The following OSBPL1A variants were observed in gnomAD, a reference collection of about 807,000 sequenced individuals.
OSBPL1A encodes oxysterol-binding protein-related protein 1.
A neutral mutation model predicts 137.1 loss-of-function variants in OSBPL1A; 80 were observed. The observed-to-expected ratio is 0.58, with a 90% CI of 0.49 to 0.70. OSBPL1A has a LOEUF of 0.70. OSBPL1A is among the 30% of genes least tolerant of loss of function. OSBPL1A has a pLI of 0.00. For synonymous variants in OSBPL1A, 365 were observed against 389.7 expected, an observed-to-expected ratio of 0.94 and a Z score of 0.75; for missense variants, 970 against 1,129.4, an observed-to-expected ratio of 0.86 and a Z score of 2.02.
At chr18:24,170,232 T>C (rs2086241962) in intron 24 of OSBPL1A, 95 bp downstream of exon 24, 3 of 1,405,422 alleles carry the variant, frequency 2.1e-6, no homozygotes, top group Non-Finnish European at 2.9e-6. Flanking sequence ...AAGAAGAAAG[T>C]TAAACTGTGA....
intron 18 of OSBPL1A, among the ~76,000 whole-genome samples, chr18:24,189,481 TCAG>T (rs2145934824): frequency 6.6e-6 from 1 of 152,234 alleles, no homozygotes; most frequent in South Asian, 2.1e-4. Flanking sequence ...CTGGCGGCAG[TCAG>T]CTGTCCCCTG....
intron 2 of OSBPL1A, among the ~76,000 whole-genome samples, chr18:24,376,490 C>A (rs1906149191): frequency 1.3e-5 from 2 of 152,266 alleles, no homozygotes; most frequent in African/African-American, 4.8e-5. Context: ...CACCTCCCCA[C>A]CAGACTCAGG....
At chr18:24,318,855 C>T in intron 7 of OSBPL1A, 46 bp from the exon 8 acceptor site, 1 of 1,469,228 alleles carries the variant, frequency 6.8e-7, no homozygotes, top group Non-Finnish European at 9.5e-7. Flanking sequence ...CTTAAATGTA[C>T]TATGACAATC....
chr18:24,230,914 T>C (rs1299516347), intron 16 of OSBPL1A, among the ~76,000 whole-genome samples: 1 of 152,154 alleles, frequency 6.6e-6, no homozygotes, highest in Non-Finnish European at 1.5e-5. Context: ...TCCCATCTAG[T>C]TCCAAAAGGA....
intron 15 of OSBPL1A, among the ~76,000 whole-genome samples, chr18:24,250,620 C>T (rs2089057592): frequency 6.6e-6 from 1 of 152,256 alleles, no homozygotes; most frequent in South Asian, 2.1e-4. Context: ...AGGTACTACA[C>T]TGAGGGCCTT....
chr18:24,254,279 T>G (rs2089199976), intron 15 of OSBPL1A, among the ~76,000 whole-genome samples: 1 of 152,192 alleles, frequency 6.6e-6, no homozygotes, highest in Non-Finnish European at 1.5e-5. Flanking sequence ...TTTTCAGCAT[T>G]GGACAGATCC....
intron 1 of OSBPL1A, among the ~76,000 whole-genome samples, chr18:24,389,161 G>A (rs1472080736): frequency 1.3e-5 from 2 of 152,222 alleles, no homozygotes; most frequent in African/African-American, 4.8e-5. Context: ...AGCGCACATG[G>A]TATTTTTCAA....
At chr18:24,188,155 A>G (rs1332009595) in intron 18 of OSBPL1A, among the ~76,000 whole-genome samples, 1 of 152,244 alleles carries the variant, frequency 6.6e-6, no homozygotes, top group East Asian at 1.9e-4. Context: ...ACATTTTAGT[A>G]TTTATAAGAC....
intron 15 of OSBPL1A, among the ~76,000 whole-genome samples, chr18:24,258,510 T>A (rs1351405903): frequency 6.6e-6 from 1 of 152,118 alleles, no homozygotes; most frequent in African/African-American, 2.4e-5. Context: ...AATGTGGAGA[T>A]GGTTAATGGA....
intron 26 of OSBPL1A, 37 bp downstream of exon 26, chr18:24,166,542 T>C (rs375192781): frequency 1.4e-5 from 22 of 1,575,120 alleles, no homozygotes; most frequent in Non-Finnish European, 1.5e-5. Context: ...CCCCGAGAAA[T>C]GAGTCTTCAC....
chr18:24,187,613 G>T (rs1042015842), intron 18 of OSBPL1A, among the ~76,000 whole-genome samples: 1 of 152,138 alleles, frequency 6.6e-6, no homozygotes, highest in Non-Finnish European at 1.5e-5. Context: ...ATAGTGCCAG[G>T]CATCTGTTAA....
intron 15 of OSBPL1A, among the ~76,000 whole-genome samples, chr18:24,241,928 A>G (rs920869432): frequency 2.0e-5 from 3 of 152,188 alleles, no homozygotes; most frequent in African/African-American, 7.2e-5. Context: ...CATATACACC[A>G]TGGAATACTA....
At chr18:24,201,466 A>AT (rs1350471646) in intron 17 of OSBPL1A, among the ~76,000 whole-genome samples, 1 of 152,200 alleles carries the variant, frequency 6.6e-6, no homozygotes, top group African/African-American at 2.4e-5. Flanking sequence ...GATGGCAGAA[A>AT]TTACCTGTTA....
At chr18:24,388,800 CAAAAA>C (rs57143270) in intron 1 of OSBPL1A, among the ~76,000 whole-genome samples, 25 of 82,836 alleles carry the variant, frequency 3.0e-4, no homozygotes, top group Middle Eastern at 5.9e-3. Flanking sequence ...GACTCTGTCT[CAAAAA>C]AAAAAAAAAA....
intron 15 of OSBPL1A, among the ~76,000 whole-genome samples, chr18:24,262,531 T>C (rs2089465575): frequency 6.6e-6 from 1 of 152,194 alleles, no homozygotes; most frequent in African/African-American, 2.4e-5. Flanking sequence ...TGAAAATAAC[T>C]AGAAACAGTT....
chr18:24,387,769 T>C (rs945837074), intron 1 of OSBPL1A, among the ~76,000 whole-genome samples: 8 of 151,858 alleles, frequency 5.3e-5, no homozygotes, highest in Non-Finnish European at 1.2e-4. Context: ...GAAAGTCCAC[T>C]GCTGTCTATG....
At chr18:24,186,013 A>G (rs182306701) in intron 18 of OSBPL1A, among the ~76,000 whole-genome samples, 1 of 152,292 alleles carries the variant, frequency 6.6e-6, no homozygotes, top group African/African-American at 2.4e-5. Flanking sequence ...GGCTATAGTG[A>G]ATCATGTTCG....
chr18:24,238,087 C>A (rs1479408004), intron 16 of OSBPL1A, among the ~76,000 whole-genome samples: 4 of 152,190 alleles, frequency 2.6e-5, no homozygotes, highest in Non-Finnish European at 5.9e-5. Context: ...CTACCAACAT[C>A]ATTTTCCATG....
chr18:24,171,072 T>A (rs2086272234), intron 23 of OSBPL1A, among the ~76,000 whole-genome samples: 5 of 151,868 alleles, frequency 3.3e-5, no homozygotes, highest in Admixed American at 3.3e-4. Flanking sequence ...AGTCTCGCTG[T>A]CACCTGGGCT....
Sources: gnomAD v4.1 joint callset for allele counts (sites outside exome capture counted in the v4.1 genomes callset) on GRCh38, gnomAD v4.1.1 for gene constraint, MANE v1.5 for transcripts, NCBI Gene and HGNC (gene_info 2026-07-23, HGNC 2026-07-21) for gene names.